The following OSBPL8 variants were observed in gnomAD, a reference collection of about 807,000 sequenced individuals.
The protein encoded by OSBPL8 is oxysterol-binding protein-related protein 8.
OSBPL8 carries 59 observed loss-of-function variants against 125.5 expected under a neutral mutation model. The ratio of observed to expected loss-of-function variants is 0.47; its 90% confidence interval spans 0.38 to 0.58. The LOEUF (loss-of-function observed/expected upper bound fraction) is 0.58. Ranked by LOEUF, OSBPL8 falls within the 20% of genes least tolerant of loss-of-function variation. OSBPL8 has a pLI of 0.00. For synonymous variants in OSBPL8, 330 were observed against 338.9 expected (o/e 0.97, Z 0.29); for missense variants, 758 against 1,047.8 (o/e 0.72, Z 3.82).
chr12:76,480,185 A>C (rs1176401698), intron 2 of OSBPL8, among the ~76,000 whole-genome samples: 2 of 151,358 alleles, frequency 1.3e-5, no homozygotes, highest in Non-Finnish European at 2.9e-5. Context: ...AAAAAAAAAA[A>C]AAAAAAGAAT....
chr12:76,358,774 T>A lies in OSBPL8; in HGVS notation c.2366A>T (p.Gln789Leu). 1 of 1,614,154 alleles carries A rather than the reference T, an allele frequency of 6.2e-7. No homozygotes were observed. Among genetic ancestry groups the A allele is most frequent in the Non-Finnish European group, 8.5e-7 (1 of 1,179,996 alleles). ...VPKMKHKPTR[Q>L]QKKVAKGYSS... ...ATAGCCTTTTGCTACTTTCTTCTGT[T>A]GCCTGGTTGGCTTATGTTTCATTTT... The change falls in exon 22 of 24, where the codon CAA (glutamine) becomes CTA (leucine). Residue 789 changes from glutamine (Q) to leucine (L), a missense_variant. By Grantham distance (113) the Gln-to-Leu change is moderately radical. Coordinates refer to ENST00000261183, the MANE Select transcript of OSBPL8 (RefSeq NM_020841.5).
At chr12:76,396,365 G>A (rs183784187) in intron 8 of OSBPL8, among the ~76,000 whole-genome samples, 2 of 152,238 alleles carry the variant, frequency 1.3e-5, no homozygotes, top group South Asian at 4.2e-4. Context: ...TTAGTTAACC[G>A]TAATCTCAAT....
At chr12:76,499,304 CTCTA>C (rs1555231510) in intron 1 of OSBPL8, among the ~76,000 whole-genome samples, 555 of 128,082 alleles carry the variant, frequency 4.3e-3, no homozygotes, top group South Asian at 6.6e-3. Flanking sequence ...ACTTAATAAA[CTCTA>C]TCTATCTATC....
At chr12:76,467,661 C>T (rs1200502153) in intron 2 of OSBPL8, among the ~76,000 whole-genome samples, 1 of 149,132 alleles carries the variant, frequency 6.7e-6, no homozygotes, top group Non-Finnish European at 1.5e-5. Flanking sequence ...CACATTCAGT[C>T]TTTTTTTTTT....
chr12:76,403,960 T>C (rs1407714149), intron 5 of OSBPL8, among the ~76,000 whole-genome samples: 3 of 152,202 alleles, frequency 2.0e-5, no homozygotes, highest in Non-Finnish European at 4.4e-5. Context: ...TGCAGCTCAT[T>C]TCTCTCATCT....
chr12:76,415,000 T>C (rs1868453272), intron 4 of OSBPL8, among the ~76,000 whole-genome samples: 1 of 152,230 alleles, frequency 6.6e-6, no homozygotes, highest in Non-Finnish European at 1.5e-5. Context: ...AAGATATTGC[T>C]ACTACCATTA....
chr12:76,495,736 T>G (rs1879203088), intron 1 of OSBPL8, among the ~76,000 whole-genome samples: 1 of 152,228 alleles, frequency 6.6e-6, no homozygotes, highest in Non-Finnish European at 1.5e-5. Flanking sequence ...ATAATTTAGT[T>G]ATGACATCAC....
At chr12:76,393,379 C>T (rs1461987377) in intron 9 of OSBPL8, among the ~76,000 whole-genome samples, 1 of 152,104 alleles carries the variant, frequency 6.6e-6, no homozygotes, top group East Asian at 1.9e-4. Flanking sequence ...CCAAGTAAAG[C>T]ATCTTCATAT....
intron 1 of OSBPL8, among the ~76,000 whole-genome samples, chr12:76,532,205 C>CTAATT (rs1950360912): frequency 6.6e-6 from 1 of 151,782 alleles, no homozygotes; most frequent in South Asian, 2.1e-4. Context: ...AAATAACATT[C>CTAATT]TAATTTCTCT....
At chr12:76,366,314 T>C (rs1328012210) in intron 21 of OSBPL8, among the ~76,000 whole-genome samples, 1 of 152,222 alleles carries the variant, frequency 6.6e-6, no homozygotes, top group Non-Finnish European at 1.5e-5. Context: ...ATTTGTGAGT[T>C]TCTAGGGATT....
chr12:76,500,147 G>C (rs1338411002), intron 1 of OSBPL8, among the ~76,000 whole-genome samples: 1 of 152,196 alleles, frequency 6.6e-6, no homozygotes, highest in Non-Finnish European at 1.5e-5. Context: ...AAAGATTTAA[G>C]TCCAAATCTT....
In OSBPL8 at chr12:76,390,603, A is replaced by G; in HGVS notation, c.984T>C (p.Ser328=). 6.2e-7 allele frequency: 1 copy of G among 1,613,740 alleles called. No individual in the cohort carries two copies. The highest frequency in any genetic ancestry group is 2.2e-5 in the East Asian group (1 of 44,824). Residue 328 remains serine (S), a synonymous_variant, in exon 11 of 24, where the codon TCT becomes TCC. Transcript: ENST00000261183. ...RQHFKDQDMY[S]DKSDKENDQE... ...GATCATTTTCTTTATCAGATTTATCAGAATACATATCTTGGTCCTTAAAAT... is the reference window on the plus strand; with the variant it reads ...GATCATTTTCTTTATCAGATTTATCGGAATACATATCTTGGTCCTTAAAAT...
At chr12:76,389,407 T>G (rs1413802952) in intron 12 of OSBPL8, among the ~76,000 whole-genome samples, 3 of 152,264 alleles carry the variant, frequency 2.0e-5, no homozygotes, top group African/African-American at 7.2e-5. Flanking sequence ...GAGTAAAGGG[T>G]AGAATTCTTG....
chr12:76,408,105 G>A (rs1450306875), intron 5 of OSBPL8, among the ~76,000 whole-genome samples: 11 of 133,900 alleles, frequency 8.2e-5, no homozygotes, highest in South Asian at 7.1e-4. Context: ...CCAGGAGTTC[G>A]AATCCAGCTT....
chr12:76,432,409 G>T (rs1565892454), intron 4 of OSBPL8, among the ~76,000 whole-genome samples: 1 of 151,910 alleles, frequency 6.6e-6, no homozygotes, highest in Non-Finnish European at 1.5e-5. Context: ...GCGGGACCGT[G>T]TGTCTACAAA....
intron 5 of OSBPL8, among the ~76,000 whole-genome samples, chr12:76,406,102 T>C (rs1403897803): frequency 6.6e-6 from 1 of 152,168 alleles, no homozygotes; most frequent in East Asian, 1.9e-4. Context: ...TAGTACTTGG[T>C]AATATATTGT....
chr12:76,481,369 G>A (rs1877460927), intron 2 of OSBPL8, among the ~76,000 whole-genome samples: 1 of 152,142 alleles, frequency 6.6e-6, no homozygotes, highest in Admixed American at 6.5e-5. Context: ...AAACTTGAAT[G>A]CACAAATGCC....
intron 1 of OSBPL8, among the ~76,000 whole-genome samples, chr12:76,500,245 A>T (rs1879764831): frequency 6.6e-6 from 1 of 152,106 alleles, no homozygotes; most frequent in Non-Finnish European, 1.5e-5. Flanking sequence ...GTGTCAGCCA[A>T]ATTGAGTTAT....
chr12:76,429,408 A>G (rs992475208), intron 4 of OSBPL8, among the ~76,000 whole-genome samples: 3 of 151,956 alleles, frequency 2.0e-5, no homozygotes, highest in Non-Finnish European at 2.9e-5. Context: ...AATATGAATG[A>G]GTACATGTTC....
Sources: allele counts gnomAD v4.1 joint callset (sites outside exome capture counted in the v4.1 genomes callset), GRCh38; gene constraint gnomAD v4.1.1; transcripts MANE v1.5; gene names NCBI Gene and HGNC (gene_info 2026-07-23, HGNC 2026-07-21).